The following SGCD variants were observed in gnomAD, a reference collection of about 807,000 sequenced individuals.
The protein encoded by SGCD is delta-sarcoglycan.
In SGCD, 18 loss-of-function variants were observed where a neutral mutation model predicts 36.6. The observed-to-expected ratio is 0.49, with a 90% confidence interval of 0.34 to 0.73. The LOEUF is 0.73. Among genes scored for constraint, SGCD ranks in the 30% least tolerant of loss-of-function variants. SGCD has a pLI of 0.01. For synonymous variants in SGCD, 133 were observed against 130.6 expected, an observed-to-expected ratio of 1.02 and a Z score of -0.12; for missense variants, 387 against 346.7, an observed-to-expected ratio of 1.12 and a Z score of -0.92.
intron 1 of SGCD, among the ~76,000 whole-genome samples, chr5:155,902,236 G>C (rs147768271): frequency 2.0e-5 from 3 of 152,198 alleles, no homozygotes; most frequent in South Asian, 2.1e-4. Flanking sequence ...AAGTCTTAGA[G>C]GTGTGAAGAT....
At chr5:155,835,536 G>C in the SGCD span, among the ~76,000 whole-genome samples, 1 of 152,040 alleles carries the variant, frequency 6.6e-6, no homozygotes, top group Admixed American at 6.6e-5. Flanking sequence ...TTTAAAAACT[G>C]TATATATTTA....
the SGCD span, among the ~76,000 whole-genome samples, chr5:155,838,489 A>G: frequency 1.3e-5 from 2 of 152,122 alleles, no homozygotes; most frequent in Non-Finnish European, 2.9e-5. Flanking sequence ...GTCATTTAAT[A>G]TGTTCCTCTG....
intron 3 of SGCD, among the ~76,000 whole-genome samples, chr5:156,429,030 T>C (rs556953280): frequency 1.3e-4 from 20 of 151,906 alleles, no homozygotes; most frequent in Non-Finnish European, 2.5e-4. Context: ...ATCCATTTCT[T>C]CTAGGATATA....
chr5:156,129,080 G>A (rs1029283974), intron 3 of SGCD, among the ~76,000 whole-genome samples: 2 of 152,124 alleles, frequency 1.3e-5, no homozygotes, highest in Non-Finnish European at 2.9e-5. Flanking sequence ...ATGTTCATGA[G>A]GGAAATTTCT....
intron 7 of SGCD, among the ~76,000 whole-genome samples, chr5:156,754,929 A>T (rs1043460496): frequency 1.3e-5 from 2 of 152,256 alleles, no homozygotes; most frequent in Non-Finnish European, 2.9e-5. Flanking sequence ...ACAAGTTTTG[A>T]TAAGTAACAT....
At chr5:155,986,812 A>G (rs564252134) in intron 1 of SGCD, among the ~76,000 whole-genome samples, 2 of 152,280 alleles carry the variant, frequency 1.3e-5, no homozygotes, top group East Asian at 3.9e-4. Flanking sequence ...AAGTGCATCA[A>G]ATCAATTTTA....
At chr5:156,222,967 C>T (rs1581177625) in intron 3 of SGCD, among the ~76,000 whole-genome samples, 1 of 151,936 alleles carries the variant, frequency 6.6e-6, no homozygotes, top group East Asian at 1.9e-4. Context: ...TCTTATGCAC[C>T]TCCCTGGTAC....
the SGCD span, among the ~76,000 whole-genome samples, chr5:155,779,199 G>A: frequency 6.6e-6 from 1 of 152,100 alleles, no homozygotes; most frequent in Non-Finnish European, 1.5e-5. Context: ...TCCACTTTGG[G>A]AGGCTGAAGC....
chr5:156,252,098 C>T (rs1229866880), intron 3 of SGCD, among the ~76,000 whole-genome samples: 1 of 150,758 alleles, frequency 6.6e-6, no homozygotes, highest in African/African-American at 2.4e-5. Context: ...CGGAGTTTCG[C>T]TCTTGTTTCC....
At chr5:156,509,303 T>C (rs1377993148) in intron 4 of SGCD, among the ~76,000 whole-genome samples, 1 of 152,090 alleles carries the variant, frequency 6.6e-6, no homozygotes, top group Non-Finnish European at 1.5e-5. Flanking sequence ...TGAGCACCTG[T>C]AATCTTAGCT....
chr5:156,505,332 C>A (rs566385959), intron 3 of SGCD, among the ~76,000 whole-genome samples: 1 of 152,270 alleles, frequency 6.6e-6, no homozygotes, highest in African/African-American at 2.4e-5. Flanking sequence ...CATAGAGGAA[C>A]AATTTTGACC....
intron 3 of SGCD, among the ~76,000 whole-genome samples, chr5:156,158,011 C>A (rs918573730): frequency 1.3e-5 from 2 of 150,848 alleles, no homozygotes; most frequent in African/African-American, 4.9e-5. Flanking sequence ...TATGTAATAT[C>A]AAAGTTGGTG....
intron 1 of SGCD, among the ~76,000 whole-genome samples, chr5:155,938,583 T>C (rs1244208146): frequency 6.6e-6 from 1 of 152,246 alleles, no homozygotes; most frequent in Admixed American, 6.5e-5. Flanking sequence ...TTAATTGGGC[T>C]GTTTATCAAA....
chr5:156,557,624 GATT>G (rs1759081190), intron 4 of SGCD, among the ~76,000 whole-genome samples: 1 of 152,106 alleles, frequency 6.6e-6, no homozygotes, highest in Non-Finnish European at 1.5e-5. Flanking sequence ...TATACTGGAA[GATT>G]ATTAGAAGAA....
chr5:156,621,768 A>T (rs1329731653), intron 6 of SGCD, among the ~76,000 whole-genome samples: 1 of 152,248 alleles, frequency 6.6e-6, no homozygotes, highest in Non-Finnish European at 1.5e-5. Context: ...GAGAGTAGAG[A>T]TGGAGTAGAA....
chr5:156,723,850 AGTGTGTGT>A (rs60939391), intron 7 of SGCD, among the ~76,000 whole-genome samples: 14 of 150,010 alleles, frequency 9.3e-5, no homozygotes, highest in East Asian at 3.9e-4. Flanking sequence ...TTTTAAGCCA[AGTGTGTGT>A]GTGTGTGTGT....
At chr5:156,502,288 C>T (rs989964255) in intron 3 of SGCD, among the ~76,000 whole-genome samples, 6 of 151,912 alleles carry the variant, frequency 3.9e-5, no homozygotes, top group East Asian at 3.9e-4. Context: ...CCTCGTGATC[C>T]GCCCGCCTCG....
intron 3 of SGCD, among the ~76,000 whole-genome samples, chr5:156,505,780 AACACACAC>A (rs56290159): frequency 7.3e-5 from 11 of 150,144 alleles, no homozygotes; most frequent in African/African-American, 2.2e-4. Context: ...ATATACACCA[AACACACAC>A]ACACACACAC....
intron 1 of SGCD, among the ~76,000 whole-genome samples, chr5:155,946,041 T>G (rs1581005722): frequency 6.6e-6 from 1 of 152,214 alleles, no homozygotes; most frequent in East Asian, 1.9e-4. Flanking sequence ...GATAGGAAAC[T>G]GAGGGTACAT....
Sources: gnomAD v4.1 joint callset for allele counts (sites outside exome capture counted in the v4.1 genomes callset) on GRCh38, gnomAD v4.1.1 for gene constraint, MANE v1.5 for transcripts, NCBI Gene and HGNC (gene_info 2026-07-23, HGNC 2026-07-21) for gene names.